The following TTLL5 variants were observed in gnomAD, a reference collection of about 807,000 sequenced individuals.
The protein encoded by TTLL5 is tubulin polyglutamylase TTLL5.
A neutral mutation model predicts 168.4 loss-of-function variants in TTLL5; 132 were observed. The ratio of observed to expected loss-of-function variants is 0.78; its 90% CI spans 0.68 to 0.91. TTLL5 has a LOEUF of 0.91. TTLL5 is among the 40% of genes least tolerant of loss of function. The pLI is 0.00. For missense variants in TTLL5, 1,545 were observed against 1,581.5 expected (o/e 0.98, Z 0.39); for synonymous variants, 546 against 558.6 (o/e 0.98, Z 0.32).
At chr14:75,738,554 G>C (rs961470096) in intron 15 of TTLL5, among the ~76,000 whole-genome samples, 1 of 152,164 alleles carries the variant, frequency 6.6e-6, no homozygotes, top group Non-Finnish European at 1.5e-5. Context: ...TGTAGTATGA[G>C]TTTTGGTGCT....
chr14:75,661,833 A>G (rs1890748574), intron 1 of TTLL5, among the ~76,000 whole-genome samples: 2 of 151,396 alleles, frequency 1.3e-5, no homozygotes, highest in Admixed American at 6.6e-5. Flanking sequence ...GACATTGCCT[A>G]TTGCGCCGAA....
intron 31 of TTLL5, among the ~76,000 whole-genome samples, chr14:75,949,680 C>G (rs2034894201): frequency 6.6e-6 from 1 of 151,630 alleles, no homozygotes; most frequent in African/African-American, 2.4e-5. Flanking sequence ...AAACCCCCGT[C>G]TCTACTAAAA....
intron 28 of TTLL5, among the ~76,000 whole-genome samples, chr14:75,828,073 A>G (rs1014785892): frequency 6.6e-6 from 1 of 152,102 alleles, no homozygotes; most frequent in Non-Finnish European, 1.5e-5. Flanking sequence ...AGAATGAAAT[A>G]TGGGTGCATC....
chr14:75,919,576 T>A (rs910170357), intron 31 of TTLL5, among the ~76,000 whole-genome samples: 1 of 152,158 alleles, frequency 6.6e-6, no homozygotes, highest in Non-Finnish European at 1.5e-5. Flanking sequence ...GTTATCCACA[T>A]GCAAAACAGT....
In TTLL5 at chr14:75,663,117, C is replaced by T. The variant is rs773479165; in HGVS notation, c.-33C>T. ...TGCTAGGAAAGGTCTCTGAGGCCCC[C>T]GTCTGCTGACTGCATGACAAACCCT... On this transcript the variant is annotated 5_prime_UTR_variant, in exon 2 of 32. Transcript: ENST00000298832. 1.2e-5 allele frequency: 20 copies of T among 1,606,146 alleles called. No individual in the cohort carries two copies. Among genetic ancestry groups the T allele is most frequent in the Middle Eastern group, 3.3e-4 (2 of 6,058 alleles).
intron 27 of TTLL5, among the ~76,000 whole-genome samples, chr14:75,804,042 C>CATTTTTCTTGCTCCTTACCCT: frequency 6.6e-6 from 1 of 152,130 alleles, no homozygotes; most frequent in Non-Finnish European, 1.5e-5. Context: ...CCAGTGTGAA[C>CATTTTTCTTGCTCCTTACCCT]GAATGTGCTG....
At chr14:75,784,688 G>T (rs979631406) in intron 26 of TTLL5, among the ~76,000 whole-genome samples, 1 of 152,114 alleles carries the variant, frequency 6.6e-6, no homozygotes, top group African/African-American at 2.4e-5. Context: ...AAGTCGCTGT[G>T]CCCTTTTACT....
At chr14:75,745,277 A>T in intron 16 of TTLL5, 69 bp downstream of exon 16, 1 of 1,440,738 alleles carries the variant, frequency 6.9e-7, no homozygotes, top group Non-Finnish European at 9.7e-7. Context: ...TGAGTGATTG[A>T]TAATATTCAT....
intron 15 of TTLL5, among the ~76,000 whole-genome samples, chr14:75,735,816 G>A (rs1888860253): frequency 6.6e-6 from 1 of 152,160 alleles, no homozygotes; most frequent in African/African-American, 2.4e-5. Context: ...CATTGCTTCG[G>A]TCTTTGTGTA....
rs1350378574 is a variant in TTLL5, at chr14:75,914,034, ATATAT to A, written c.3823+11811_3823+11815del. On this transcript the variant is annotated intron_variant, in intron 31 of 31. Coordinates refer to ENST00000298832, the MANE Select transcript of TTLL5 (RefSeq NM_015072.5). ...TTTAAAAGGAAAAAAAAAAAAAAAA[ATATAT>A]ATATATATATATATATTTTATCCCC... Among the ~76,000 whole-genome samples, 404 of 76,408 alleles carry A rather than the reference ATATAT, an allele frequency of 5.3e-3. 31 individuals are homozygous for A. Among genetic ancestry groups the A allele is most frequent in the African/African-American group, 0.029 (390 of 13,248 alleles). 50.1% of individuals were successfully genotyped at this position (76,408 alleles called of 152,430 possible). A position where few individuals can be genotyped will look rare whatever the true frequency, so the allele number is the denominator to read the frequency against.
chr14:75,845,841 C>G (rs569330188), intron 28 of TTLL5, among the ~76,000 whole-genome samples: 18 of 152,224 alleles, frequency 1.2e-4, no homozygotes, highest in South Asian at 2.1e-4. Context: ...AAAATCAGTA[C>G]CAGTCTTTAC....
chr14:75,914,447 C>T (rs2033525948), intron 31 of TTLL5, among the ~76,000 whole-genome samples: 1 of 151,934 alleles, frequency 6.6e-6, no homozygotes, highest in Non-Finnish European at 1.5e-5. Context: ...AATGCCTAAC[C>T]TCAGAAGATA....
At chr14:75,884,031 C>T (rs2031962929) in intron 30 of TTLL5, among the ~76,000 whole-genome samples, 2 of 152,170 alleles carry the variant, frequency 1.3e-5, no homozygotes, top group South Asian at 2.1e-4. Context: ...AATCTCCTAG[C>T]CTCAGCTTCC....
chr14:75,757,934 A>G (rs772688483), intron 18 of TTLL5: 49 of 1,443,268 alleles, frequency 3.4e-5, no homozygotes, highest in Non-Finnish European at 4.3e-5. Flanking sequence ...TGCACAGACT[A>G]AGCATAATAC....
intron 28 of TTLL5, among the ~76,000 whole-genome samples, chr14:75,863,195 T>C (rs2030176225): frequency 6.6e-6 from 1 of 152,182 alleles, no homozygotes; most frequent in South Asian, 2.1e-4. Context: ...AAAAAATATT[T>C]AGATATTTAA....
intron 27 of TTLL5, among the ~76,000 whole-genome samples, chr14:75,813,226 T>G (rs1423760148): frequency 6.2e-5 from 6 of 97,306 alleles, no homozygotes; most frequent in Non-Finnish European, 1.1e-4. Flanking sequence ...GTGTGTGTGT[T>G]TCAGACAGGG....
At chr14:75,935,684 T>C (rs2034414228) in intron 31 of TTLL5, among the ~76,000 whole-genome samples, 2 of 152,132 alleles carry the variant, frequency 1.3e-5, no homozygotes, top group African/African-American at 2.4e-5. Context: ...AAGTAAAAGA[T>C]GCCCCAAAAA....
At chr14:75,840,131 A>G (rs567223615) in intron 28 of TTLL5, among the ~76,000 whole-genome samples, 8 of 152,108 alleles carry the variant, frequency 5.3e-5, no homozygotes, top group African/African-American at 1.9e-4. Context: ...CACATCCAAG[A>G]AATCATTGCC....
intron 31 of TTLL5, among the ~76,000 whole-genome samples, chr14:75,915,089 G>A (rs185149230): frequency 8.5e-5 from 13 of 152,196 alleles, no homozygotes; most frequent in African/African-American, 1.9e-4. Flanking sequence ...GAAAACATTC[G>A]CTTTCAGCTT....
Sources: allele counts gnomAD v4.1 joint callset (sites outside exome capture counted in the v4.1 genomes callset), GRCh38; gene constraint gnomAD v4.1.1; transcripts MANE v1.5; gene names NCBI Gene and HGNC (gene_info 2026-07-23, HGNC 2026-07-21).